Variants in HK2 observed in about 807,000 individuals in gnomAD.
HK2 encodes the protein hexokinase-2.
HK2 carries 42 observed loss-of-function variants against 92.9 expected under a neutral mutation model. That is an observed-to-expected ratio of 0.45 (90% confidence interval 0.35 to 0.58). The LOEUF (loss-of-function observed/expected upper bound fraction) is 0.58. HK2 is among the 20% of genes least tolerant of loss of function. The pLI is 0.00. For missense variants in HK2, 978 were observed against 1,245.1 expected (o/e 0.79, Z 3.23); for synonymous variants, 422 against 468.0 (o/e 0.90, Z 1.27).
At chr2:74,877,738 G>C (rs1384083787) in intron 8 of HK2, among the ~76,000 whole-genome samples, 1 of 152,186 alleles carries the variant, frequency 6.6e-6, no homozygotes, top group Non-Finnish European at 1.5e-5. Context: ...AGAAAGCTAG[G>C]TCTTTGAATT....
intron 1 of HK2, among the ~76,000 whole-genome samples, chr2:74,841,473 C>T (rs112462893): frequency 1.5e-3 from 232 of 152,248 alleles, no homozygotes; most frequent in Non-Finnish European, 2.6e-3. Flanking sequence ...ATCCCTGCCA[C>T]CCCCTTCAGT....
chr2:74,860,034 T>C (rs1304047319), intron 2 of HK2, among the ~76,000 whole-genome samples: 1 of 152,216 alleles, frequency 6.6e-6, no homozygotes, highest in Non-Finnish European at 1.5e-5. Context: ...TGGATGGAAC[T>C]GGAGGCTGTT....
intron 10 of HK2, 24 bp downstream of exon 10, chr2:74,880,593 G>C (rs1689363939): frequency 1.2e-6 from 2 of 1,609,152 alleles, no homozygotes; most frequent in Non-Finnish European, 1.7e-6. Flanking sequence ...TTGCCACCTG[G>C]CTCACATGGT....
rs375206881 is a variant in HK2 at position 74,882,165 on chromosome 2, A to C, written c.1765A>C (p.Met589Leu). 2.5e-6 allele frequency: 4 copies of C among 1,614,134 alleles called. No homozygotes were observed. In the Admixed American group the frequency reaches 5.0e-5, roughly 20 times the overall value. Residue 589 changes from methionine to leucine, a missense_variant, in exon 12 of 18, where the codon ATG becomes CTG. Met to Leu is a conservative substitution (Grantham distance 15). This residue lies in a region of HK2 where 742 missense variants were observed against 922.5 expected (regional missense o/e 0.80). Transcript: ENST00000290573. Reference protein sequence around the residue: ...VQCIADFLEYMGMKGVSLPLG... With the variant: ...VQCIADFLEYLGMKGVSLPLG... ...GTGCATCGCGGACTTCCTCGAGTAC[A>C]TGGGCATGAAGGGCGTGTCCCTGCC... is the stretch of plus-strand genomic sequence containing the variant.
At chr2:74,861,947 T>G (rs1421799085) in intron 2 of HK2, among the ~76,000 whole-genome samples, 1 of 152,194 alleles carries the variant, frequency 6.6e-6, no homozygotes, top group Non-Finnish European at 1.5e-5. Context: ...CTTCTTCACC[T>G]CGGAATTGTG....
In HK2 at chr2:74,874,366, C is replaced by A. The variant is rs375240379; in HGVS notation, c.792C>A (p.Phe264Leu). 3.7e-6 allele frequency: 6 copies of A among 1,613,838 alleles called. No homozygotes were observed. The East Asian group carries it at 1.3e-4, about 36-fold the overall frequency. ...GTATCAATATGGAGTGGGGGGCCTT[C>A]GGGGACGATGGCTCGCTCAACGACA... ...RMCINMEWGAFGDDGSLNDIR... is the reference protein window; with the variant it reads ...RMCINMEWGALGDDGSLNDIR... The change falls in exon 7 of 18, where the codon TTC becomes TTA. Residue 264 changes from phenylalanine to leucine, a missense_variant. Around this residue, in one of 3 missense-constraint regions of HK2, gnomAD observed 742 missense variants for 922.5 expected, o/e 0.80. Coordinates refer to ENST00000290573, the MANE Select transcript of HK2 (RefSeq NM_000189.5).
At chr2:74,862,108 G>A (rs1688846216) in intron 2 of HK2, among the ~76,000 whole-genome samples, 1 of 152,212 alleles carries the variant, frequency 6.6e-6, no homozygotes, top group East Asian at 1.9e-4. Flanking sequence ...TGAACGCTGT[G>A]TTTGAGCTAT....
intron 2 of HK2, among the ~76,000 whole-genome samples, 184 bp downstream of exon 2, chr2:74,854,639 T>C (rs1401725563): frequency 3.3e-5 from 5 of 152,238 alleles, no homozygotes; most frequent in Admixed American, 3.3e-4. Context: ...CTGGCAGTCC[T>C]GGCAGTTAAG....
At chr2:74,838,595 G>A (rs1028612374) in intron 1 of HK2, among the ~76,000 whole-genome samples, 46 of 147,984 alleles carry the variant, frequency 3.1e-4, no homozygotes, top group African/African-American at 1.0e-3. Context: ...CTGGAGTGCA[G>A]TGGCGCAATC....
chr2:74,864,238 G>A (rs72910517), intron 2 of HK2, among the ~76,000 whole-genome samples: 4,794 of 152,292 alleles, frequency 0.031, 235 homozygotes, highest in African/African-American at 0.11. Flanking sequence ...TCTTAAGAAC[G>A]AAAGAAAGTC....
chr2:74,871,573 T>A (rs1454330271), intron 3 of HK2, among the ~76,000 whole-genome samples: 1 of 152,316 alleles, frequency 6.6e-6, no homozygotes, highest in East Asian at 1.9e-4. Flanking sequence ...TTAGGAGCTC[T>A]GGGTCCTGCA....
chr2:74,835,652 C>T (rs28362963), intron 1 of HK2, among the ~76,000 whole-genome samples: 3,594 of 152,266 alleles, frequency 0.024, 60 homozygotes, highest in Non-Finnish European at 0.035. Context: ...CAGGGGCGCG[C>T]TCAGAATTGA....
chr2:74,851,589 A>G (rs755989820), intron 1 of HK2, among the ~76,000 whole-genome samples: 6 of 152,194 alleles, frequency 3.9e-5, no homozygotes, highest in Non-Finnish European at 8.8e-5. Flanking sequence ...GGACCATTTA[A>G]TGAGGTGGAA....
chr2:74,891,094 T>A lies in HK2; in HGVS notation c.*153T>A, dbSNP rs1689667515. 1.2e-6 allele frequency: 1 copy of A among 818,262 alleles called. No homozygotes were observed. Among genetic ancestry groups the A allele is most frequent in the Admixed American group, 2.3e-5 (1 of 44,324 alleles). 50.7% of individuals were successfully genotyped at this position (818,262 alleles called of 1,614,324 possible). A position where few individuals can be genotyped will look rare whatever the true frequency, so the allele number is the denominator to read the frequency against. ...TGGGTTTTGTCTCTGCATCTCATTGTAGAGCTTGGTGGCTGAGCTTGGCCC... is the reference window on the plus strand; with the variant it reads ...TGGGTTTTGTCTCTGCATCTCATTGAAGAGCTTGGTGGCTGAGCTTGGCCC... On this transcript the variant is annotated 3_prime_UTR_variant, in exon 18 of 18. Transcript: ENST00000290573.
chr2:74,881,963 C>G (rs1053414617), intron 11 of HK2, 104 bp downstream of exon 11: 48 of 1,463,452 alleles, frequency 3.3e-5, no homozygotes, highest in Non-Finnish European at 4.2e-5. Flanking sequence ...GGAGGGCTAG[C>G]TGGACCCAGG....
At chr2:74,873,762 A>G in intron 5 of HK2, 82 bp from the exon 6 acceptor site, 1 of 852,092 alleles carries the variant, frequency 1.2e-6, no homozygotes, top group East Asian at 2.5e-5. Context: ...GAGGAGGAGG[A>G]GGAGGAGTGA....
Position 74,838,739 on chromosome 2 carries a change from C to A in HK2, c.63+4096C>A, listed in dbSNP as rs112235680. Among the ~76,000 whole-genome samples the A allele has an allele frequency of 1.6e-3, 243 of 152,074 alleles. 1 individual carries two copies. Among genetic ancestry groups the A allele is most frequent in the African/African-American group, 5.7e-3 (238 of 41,466 alleles). On this transcript the variant is annotated intron_variant, in intron 1 of 17. Transcript: ENST00000290573. ...ATTTTTAGTAGAGACGAGGTTTCACCGTGTTATCCAGGATGGTCTCAATCT... is the reference window on the plus strand; with the variant it reads ...ATTTTTAGTAGAGACGAGGTTTCACAGTGTTATCCAGGATGGTCTCAATCT...
At chr2:74,848,892 C>A (rs1437008623) in intron 1 of HK2, among the ~76,000 whole-genome samples, 1 of 152,154 alleles carries the variant, frequency 6.6e-6, no homozygotes, top group African/African-American at 2.4e-5. Flanking sequence ...CCAGGTGATC[C>A]AGATTCTAGT....
At position 74,872,384 on chromosome 2, in the gene HK2, T is replaced by G; in HGVS notation, c.460T>G (p.Phe154Val). 6.2e-7 allele frequency: 1 copy of G among 1,614,120 alleles called. No individual in the cohort carries two copies. Among genetic ancestry groups the G allele is most frequent in the Non-Finnish European group, 8.5e-7 (1 of 1,179,992 alleles). The change falls in exon 4 of 18, where the codon TTC becomes GTC. Residue 154 changes from phenylalanine to valine, a missense_variant. Phe to Val is a conservative substitution (Grantham distance 50). Around this residue, in one of 3 missense-constraint regions of HK2, gnomAD observed 189 missense variants for 289.5 expected, o/e 0.65. Coordinates refer to ENST00000290573, the MANE Select transcript of HK2 (RefSeq NM_000189.5). ...KDKKLPLGFTFSFPCHQTKLD... is the reference protein window; with the variant it reads ...KDKKLPLGFTVSFPCHQTKLD... Reference sequence around the variant, plus strand: ...CAAGAAGCTCCCACTGGGTTTTACCTTCTCGTTCCCCTGCCACCAGACTAA... The same window carrying G: ...CAAGAAGCTCCCACTGGGTTTTACCGTCTCGTTCCCCTGCCACCAGACTAA...
Sources: allele counts gnomAD v4.1 joint callset (sites outside exome capture counted in the v4.1 genomes callset), GRCh38; gene constraint gnomAD v4.1.1; regional missense constraint gnomAD v4.1.1; transcripts MANE v1.5; gene names NCBI Gene and HGNC (gene_info 2026-07-23, HGNC 2026-07-21).